The following SNTG2 variants were observed in gnomAD, a reference collection of about 807,000 sequenced individuals.
SNTG2 encodes gamma-2-syntrophin.
In SNTG2, 74 loss-of-function variants were observed where a neutral mutation model predicts 70.9. The ratio of observed to expected loss-of-function variants is 1.04; its 90% CI spans 0.86 to 1.27. The LOEUF is 1.27. SNTG2 is among the 50% of genes most tolerant of loss of function. The probability of loss-of-function intolerance (pLI) is 0.00; values close to 1 mark genes in which losing one functional copy is unlikely to be tolerated. For missense variants in SNTG2, 717 were observed against 690.7 expected, an observed-to-expected ratio of 1.04 and a Z score of -0.43; for synonymous variants, 278 against 273.8, an observed-to-expected ratio of 1.02 and a Z score of -0.15.
chr2:1,122,676 A>C (rs28776240), intron 4 of SNTG2, among the ~76,000 whole-genome samples: 71,662 of 148,928 alleles, frequency 0.48, 18,232 homozygotes, highest in East Asian at 0.67. Flanking sequence ...AGTCTTGCCG[A>C]TTTTATTCAA....
At chr2:1,015,452 G>A (rs1042596093) in intron 1 of SNTG2, among the ~76,000 whole-genome samples, 2 of 152,148 alleles carry the variant, frequency 1.3e-5, no homozygotes, top group African/African-American at 4.8e-5. Context: ...CTATTTATGT[G>A]ACTTACAAGA....
At chr2:1,186,591 A>AT (rs1235697272) in intron 8 of SNTG2, among the ~76,000 whole-genome samples, 1 of 152,154 alleles carries the variant, frequency 6.6e-6, no homozygotes, top group Non-Finnish European at 1.5e-5. Flanking sequence ...GTTGGAAGCC[A>AT]AAGGGGAAGC....
chr2:1,048,435 T>TATAG (rs1351068481), intron 1 of SNTG2, among the ~76,000 whole-genome samples: 1 of 152,124 alleles, frequency 6.6e-6, no homozygotes, highest in Non-Finnish European at 1.5e-5. Flanking sequence ...TCTCTCCATA[T>TATAG]ATAGATAGAT....
chr2:1,295,467 G>A (rs113796891), intron 14 of SNTG2, among the ~76,000 whole-genome samples: 29 of 152,274 alleles, frequency 1.9e-4, no homozygotes, highest in Admixed American at 3.3e-4. Context: ...TATTCCCAGA[G>A]GCATCTATTA....
intron 14 of SNTG2, among the ~76,000 whole-genome samples, chr2:1,276,536 T>C (rs1021661592): frequency 3.3e-5 from 5 of 152,230 alleles, no homozygotes; most frequent in African/African-American, 1.2e-4. Context: ...TGAGACCTAC[T>C]GCTCAGAAAA....
At chr2:1,157,365 C>T (rs988455541) in intron 6 of SNTG2, among the ~76,000 whole-genome samples, 2 of 152,118 alleles carry the variant, frequency 1.3e-5, no homozygotes, top group African/African-American at 4.8e-5. Flanking sequence ...ACCCCGGCAC[C>T]GCGGCTCGTG....
chr2:1,156,012 CAAAG>C (rs1669871389), intron 6 of SNTG2, among the ~76,000 whole-genome samples: 1 of 152,126 alleles, frequency 6.6e-6, no homozygotes, highest in Non-Finnish European at 1.5e-5. Context: ...ACACCGCAGA[CAAAG>C]GAACCCCGCC....
At chr2:1,254,147 G>A (rs1431197316) in intron 12 of SNTG2, among the ~76,000 whole-genome samples, 1 of 152,198 alleles carries the variant, frequency 6.6e-6, no homozygotes, top group Admixed American at 6.5e-5. Context: ...AGGGAAATGG[G>A]ATAGAAGAAT....
chr2:1,065,400 C>T (rs1351740867), intron 1 of SNTG2, among the ~76,000 whole-genome samples: 1 of 152,084 alleles, frequency 6.6e-6, no homozygotes, highest in Non-Finnish European at 1.5e-5. Context: ...TGGAATCGCC[C>T]CTGGCAACTG....
intron 1 of SNTG2, among the ~76,000 whole-genome samples, chr2:1,023,858 C>CTCCTTG (rs1285643781): frequency 2.0e-5 from 3 of 152,214 alleles, no homozygotes; most frequent in Non-Finnish European, 4.4e-5. Flanking sequence ...GCTCTTGGAC[C>CTCCTTG]TCCTTGTCCT....
At chr2:1,086,515 A>C in intron 2 of SNTG2, among the ~76,000 whole-genome samples, 1 of 152,362 alleles carries the variant, frequency 6.6e-6, no homozygotes, top group East Asian at 1.9e-4. Flanking sequence ...TTTATGACAT[A>C]GAAACCACCA....
At chr2:1,168,958 G>A (rs1338874918) in intron 7 of SNTG2, among the ~76,000 whole-genome samples, 2 of 152,178 alleles carry the variant, frequency 1.3e-5, no homozygotes, top group East Asian at 3.9e-4. Flanking sequence ...CACCCCTGGG[G>A]TTTTGAGAAA....
intron 1 of SNTG2, among the ~76,000 whole-genome samples, chr2:1,063,626 G>A (rs1410674380): frequency 6.6e-6 from 1 of 152,118 alleles, no homozygotes; most frequent in Non-Finnish European, 1.5e-5. Context: ...AACAATTCAA[G>A]CAGAAAGGTT....
intron 16 of SNTG2, among the ~76,000 whole-genome samples, chr2:1,322,348 G>A (rs569453365): frequency 1.4e-4 from 21 of 152,212 alleles, no homozygotes; most frequent in African/African-American, 4.6e-4. Flanking sequence ...CCAGAGACAC[G>A]GGAATATTTA....
chr2:1,177,002 A>G (rs1338911487), intron 8 of SNTG2, among the ~76,000 whole-genome samples: 1 of 152,238 alleles, frequency 6.6e-6, no homozygotes, highest in Non-Finnish European at 1.5e-5. Flanking sequence ...AGGAATGCAA[A>G]TTATTCTATT....
chr2:1,137,128 A>G (rs901925162), intron 4 of SNTG2, among the ~76,000 whole-genome samples: 8 of 152,224 alleles, frequency 5.3e-5, no homozygotes, highest in African/African-American at 1.9e-4. Context: ...GAAGAGGCCA[A>G]TCTAGCTTTC....
chr2:1,067,938 C>T (rs562861440), intron 1 of SNTG2, among the ~76,000 whole-genome samples: 19 of 152,178 alleles, frequency 1.2e-4, no homozygotes, highest in South Asian at 2.1e-4. Flanking sequence ...TCCCGGACCT[C>T]GGGAGTGGGG....
Position 1,173,171 on chromosome 2 carries a change from C to T in SNTG2, c.579C>T (p.Asn193=). The T allele has an allele frequency of 6.2e-7, 1 of 1,613,944 alleles. No homozygotes were observed. Among genetic ancestry groups the T allele is most frequent in the East Asian group, 2.2e-5 (1 of 44,882 alleles). Residue 193 remains asparagine, a synonymous_variant, in exon 8 of 17, where the codon AAC becomes AAT. Transcript: ENST00000308624. ...LFDSGLHLNG[N]SSTTAPSSPS... ...ACAGCGGTTTGCATCTGAACGGAAA[C>T]TCCAGTACCACAGTAAGCATATAGA...
At chr2:1,309,255 A>T (rs866049556) in intron 15 of SNTG2, among the ~76,000 whole-genome samples, 3 of 152,202 alleles carry the variant, frequency 2.0e-5, no homozygotes, top group Admixed American at 6.5e-5. Context: ...CCCTTTACAA[A>T]ATAGAGCCCC....
Sources: allele counts gnomAD v4.1 joint callset (sites outside exome capture counted in the v4.1 genomes callset), GRCh38; gene constraint gnomAD v4.1.1; transcripts MANE v1.5; gene names NCBI Gene and HGNC (gene_info 2026-07-23, HGNC 2026-07-21).